Variants in SEPTIN10 observed in about 807,000 individuals in gnomAD.
SEPTIN10 encodes septin 10.
A neutral mutation model predicts 54.8 loss-of-function variants in SEPTIN10; 66 were observed. The observed-to-expected ratio is 1.21, with a 90% CI of 0.99 to 1.48. SEPTIN10 has a LOEUF of 1.48. Among genes scored for constraint, SEPTIN10 ranks in the 40% most tolerant of loss-of-function variants. The pLI, the probability that SEPTIN10 is intolerant of heterozygous loss-of-function variation, is 0.00. For missense variants in SEPTIN10, 620 were observed against 545.6 expected, an observed-to-expected ratio of 1.14 and a Z score of -1.36; for synonymous variants, 161 against 181.0, an observed-to-expected ratio of 0.89 and a Z score of 0.89.
chr2:109,582,184 A>C (rs542342202), intron 4 of SEPTIN10, among the ~76,000 whole-genome samples: 1 of 152,152 alleles, frequency 6.6e-6, no homozygotes, highest in East Asian at 1.9e-4. Context: ...GAGAACTACA[A>C]AACACTGCTG....
chr2:109,587,882 C>T (rs1692951278), intron 2 of SEPTIN10, among the ~76,000 whole-genome samples: 1 of 150,948 alleles, frequency 6.6e-6, no homozygotes, highest in Non-Finnish European at 1.5e-5. Context: ...CACTGCACTC[C>T]AGCCTGGGTG....
chr2:109,597,229 CCGTG>C (rs1361060919), intron 1 of SEPTIN10, among the ~76,000 whole-genome samples: 1 of 152,230 alleles, frequency 6.6e-6, no homozygotes, highest in Non-Finnish European at 1.5e-5. Context: ...GCATGAGCCA[CCGTG>C]CCTGGCTGGA....
chr2:109,606,883 C>T (rs1434333467), intron 1 of SEPTIN10, among the ~76,000 whole-genome samples: 2 of 151,834 alleles, frequency 1.3e-5, no homozygotes, highest in African/African-American at 2.4e-5. Flanking sequence ...AACTCCTGAC[C>T]GGAGGTGACC....
chr2:109,589,826 CAATGGTCAAAAACTGGAAAGATTCCA>C (rs1183938559), intron 2 of SEPTIN10, among the ~76,000 whole-genome samples: 25 of 151,862 alleles, frequency 1.6e-4, no homozygotes, highest in African/African-American at 6.0e-4. Context: ...GTTTTATTCC[CAATGGTCAAAAACTGGAAAGATTCCA>C]AATATCAAAC....
chr2:109,565,483 GT>G (rs1213537259), intron 7 of SEPTIN10, among the ~76,000 whole-genome samples: 8 of 152,152 alleles, frequency 5.3e-5, no homozygotes, highest in Admixed American at 5.2e-4. Context: ...GATGTTTTAT[GT>G]CTGAACACTA....
At chr2:109,566,117 A>T (rs28544318) in intron 6 of SEPTIN10, among the ~76,000 whole-genome samples, 80,400 of 151,516 alleles carry the variant, frequency 0.53, 22,693 homozygotes, top group African/African-American at 0.73. Context: ...AAAAAAATTT[A>T]TTTATTTATT....
At chr2:109,567,354 T>C (rs992401612) in intron 6 of SEPTIN10, among the ~76,000 whole-genome samples, 6 of 152,196 alleles carry the variant, frequency 3.9e-5, no homozygotes, top group African/African-American at 1.2e-4. Context: ...TCACCTTCCA[T>C]TGTACTAAAC....
intron 1 of SEPTIN10, among the ~76,000 whole-genome samples, chr2:109,608,616 C>A (rs573647089): frequency 3.0e-4 from 46 of 152,198 alleles, no homozygotes; most frequent in African/African-American, 1.1e-3. Flanking sequence ...AAAAGTAATA[C>A]CAACAAAGTA....
rs1351126960 is a variant in SEPTIN10, at chr2:109,585,894, A to T, written c.100-56T>A. ...AATAAAAAAAACAACTTTGACTTAA[A>T]TAGGATGTAGGCACACTTGAAGGAC... is the stretch of plus-strand genomic sequence containing the variant. On this transcript the variant is annotated intron_variant, in intron 2 of 10. Coordinates refer to ENST00000397712, the MANE Select transcript of SEPTIN10 (RefSeq NM_144710.5). 3.7e-6 allele frequency: 5 copies of T among 1,349,260 alleles called. No individual in the cohort carries two copies. The East Asian group carries it at 9.3e-5, about 25-fold the overall frequency. 83.6% of individuals were successfully genotyped at this position (1,349,260 alleles called of 1,614,324 possible). A position where few individuals can be genotyped will look rare whatever the true frequency, so the allele number is the denominator to read the frequency against.
intron 9 of SEPTIN10, among the ~76,000 whole-genome samples, chr2:109,551,682 T>C (rs1682991995): frequency 6.6e-6 from 1 of 152,204 alleles, no homozygotes; most frequent in Admixed American, 6.5e-5. Context: ...GCATTATAAA[T>C]AAATTAGTAA....
intron 1 of SEPTIN10, among the ~76,000 whole-genome samples, chr2:109,597,414 G>A (rs978881588): frequency 2.6e-5 from 4 of 152,218 alleles, no homozygotes; most frequent in Admixed American, 6.5e-5. Flanking sequence ...CTTAGTATGT[G>A]TAAACCACTC....
chr2:109,598,501 T>C (rs1181769622), intron 1 of SEPTIN10, among the ~76,000 whole-genome samples: 1 of 152,154 alleles, frequency 6.6e-6, no homozygotes, highest in African/African-American at 2.4e-5. Flanking sequence ...TTTAGGATAA[T>C]GTGAGCGAGA....
At chr2:109,592,808 CAG>C (rs1048814861) in intron 2 of SEPTIN10, among the ~76,000 whole-genome samples, 72 of 150,306 alleles carry the variant, frequency 4.8e-4, no homozygotes, top group Non-Finnish European at 9.0e-4. Flanking sequence ...AAAAAAGAAA[CAG>C]AAAAAAAAAT....
intron 1 of SEPTIN10, among the ~76,000 whole-genome samples, chr2:109,595,314 T>C (rs1171742999): frequency 2.0e-5 from 3 of 152,222 alleles, no homozygotes; most frequent in Non-Finnish European, 4.4e-5. Context: ...TTTTACAATC[T>C]AAAAGGCAAA....
chr2:109,563,663 T>C (rs1250751740), intron 8 of SEPTIN10, among the ~76,000 whole-genome samples: 3 of 152,182 alleles, frequency 2.0e-5, no homozygotes, highest in African/African-American at 7.2e-5. Flanking sequence ...AGGGTTCAGA[T>C]TCTAAAATTC....
At chr2:109,612,681 C>G (rs1699509414) in intron 1 of SEPTIN10, among the ~76,000 whole-genome samples, 1 of 152,184 alleles carries the variant, frequency 6.6e-6, no homozygotes, top group South Asian at 2.1e-4. Flanking sequence ...TTATAAAACA[C>G]ATTTTCCTCA....
Position 109,554,569 on chromosome 2 carries a change from G to A in SEPTIN10, c.1029-1350C>T, listed in dbSNP as rs115608312. ...AATTTAGACATGCCATGAACTTAAC[G>A]CTTACAGCTTTGGGATGAAGAACCC... is the stretch of plus-strand genomic sequence containing the variant. On this transcript the variant is annotated intron_variant, in intron 8 of 10. Transcript: ENST00000397712. Among the ~76,000 whole-genome samples, 840 of 152,084 alleles carry A rather than the reference G, an allele frequency of 5.5e-3. 11 individuals carry two copies. The South Asian group carries it at 0.057, about 10-fold the overall frequency.
rs532609169 is a variant in SEPTIN10, at chr2:109,608,726, T to C, written c.30+5072A>G. Among the ~76,000 whole-genome samples the C allele has an allele frequency of 4.6e-5, 7 of 152,348 alleles. 1 individual carries two copies. The highest frequency in any genetic ancestry group is 1.4e-4 in the African/African-American group (6 of 41,602). ...TTCGTCATTATGACTATGAGATACATGATTCCTCCTCCAAAATCCTTAAAT... is the reference window on the plus strand; with the variant it reads ...TTCGTCATTATGACTATGAGATACACGATTCCTCCTCCAAAATCCTTAAAT... On this transcript the variant is annotated intron_variant, in intron 1 of 10. Coordinates refer to ENST00000397712, the MANE Select transcript of SEPTIN10 (RefSeq NM_144710.5).
At chr2:109,583,461 T>C (rs1691698459) in intron 4 of SEPTIN10, among the ~76,000 whole-genome samples, 1 of 152,198 alleles carries the variant, frequency 6.6e-6, no homozygotes, top group Non-Finnish European at 1.5e-5. Flanking sequence ...ACAGTCAGAA[T>C]GGCTATTATT....
Sources: allele counts gnomAD v4.1 joint callset (sites outside exome capture counted in the v4.1 genomes callset), GRCh38; gene constraint gnomAD v4.1.1; transcripts MANE v1.5; gene names NCBI Gene and HGNC (gene_info 2026-07-23, HGNC 2026-07-21).